The following CTNND2 variants were observed in gnomAD, a reference collection of about 807,000 sequenced individuals.
CTNND2 encodes catenin delta 2.
CTNND2 carries 22 observed loss-of-function variants against 144.4 expected under a neutral mutation model. That is an observed-to-expected ratio of 0.15 (90% CI 0.11 to 0.22). The LOEUF (loss-of-function observed/expected upper bound fraction) is 0.22. Ranked by LOEUF, CTNND2 falls within the 10% of genes least tolerant of loss-of-function variation. The pLI, the probability that CTNND2 is intolerant of heterozygous loss-of-function variation, is 1.00. For synonymous variants in CTNND2, 751 were observed against 695.6 expected, an observed-to-expected ratio of 1.08 and a Z score of -1.25; for missense variants, 1,353 against 1,618.8, an observed-to-expected ratio of 0.84 and a Z score of 2.82.
chr5:11,606,465 T>C (rs1780049272), intron 2 of CTNND2, among the ~76,000 whole-genome samples: 3 of 151,768 alleles, frequency 2.0e-5, no homozygotes, highest in Admixed American at 2.0e-4. Context: ...GCTCGGCTCT[T>C]TGGACAGAGT....
intron 3 of CTNND2, among the ~76,000 whole-genome samples, chr5:11,483,727 C>G (rs1022639959): frequency 3.9e-5 from 6 of 152,144 alleles, no homozygotes; most frequent in African/African-American, 1.4e-4. Flanking sequence ...AGTCTGTTCT[C>G]AGAAAGTGAC....
At chr5:11,010,507 T>C (rs1481418915) in intron 18 of CTNND2, among the ~76,000 whole-genome samples, 1 of 152,162 alleles carries the variant, frequency 6.6e-6, no homozygotes, top group Non-Finnish European at 1.5e-5. Context: ...CAGATGAGGG[T>C]GATGGAGTAA....
At chr5:11,742,970 A>T (rs537193267) in intron 1 of CTNND2, among the ~76,000 whole-genome samples, 1 of 152,360 alleles carries the variant, frequency 6.6e-6, no homozygotes, top group South Asian at 2.1e-4. Flanking sequence ...AGAAATAGGC[A>T]TCATGTCATT....
chr5:11,152,647 C>T (rs113668403), intron 12 of CTNND2, among the ~76,000 whole-genome samples: 5 of 152,276 alleles, frequency 3.3e-5, no homozygotes, highest in East Asian at 1.9e-4. Flanking sequence ...ACAGGAGACC[C>T]GAGCCCTCGT....
chr5:11,320,077 A>G (rs142459340), intron 9 of CTNND2, among the ~76,000 whole-genome samples: 1 of 152,334 alleles, frequency 6.6e-6, no homozygotes, highest in Non-Finnish European at 1.5e-5. Context: ...ACCATTCTGC[A>G]CGGAGTTTAC....
intron 3 of CTNND2, among the ~76,000 whole-genome samples, chr5:11,549,408 C>T (rs755660220): frequency 6.6e-6 from 1 of 152,180 alleles, no homozygotes; most frequent in South Asian, 2.1e-4. Context: ...ATAGCACAAA[C>T]TCATACTCCT....
At chr5:11,588,759 T>C (rs1779034126) in intron 2 of CTNND2, 1 of 985,188 alleles carries the variant, frequency 1.0e-6, no homozygotes, top group Non-Finnish European at 1.2e-6. Context: ...TTGAAATAAA[T>C]GGTCCTTAAA....
intron 1 of CTNND2, among the ~76,000 whole-genome samples, chr5:11,846,103 C>T (rs77477580): frequency 0.015 from 2,261 of 152,094 alleles, 29 homozygotes; most frequent in Non-Finnish European, 0.024. Context: ...CTTAATGAAA[C>T]ATTAAAAACT....
chr5:11,580,183 T>C (rs1214454116), intron 2 of CTNND2, among the ~76,000 whole-genome samples: 1 of 152,148 alleles, frequency 6.6e-6, no homozygotes, highest in Admixed American at 6.5e-5. Flanking sequence ...GACTACTCTT[T>C]AGGGACTCAG....
At chr5:11,513,427 G>C (rs1488359618) in intron 3 of CTNND2, among the ~76,000 whole-genome samples, 1 of 152,142 alleles carries the variant, frequency 6.6e-6, no homozygotes, top group Non-Finnish European at 1.5e-5. Flanking sequence ...TCATTAGACA[G>C]GCTGCAAAGG....
intron 3 of CTNND2, among the ~76,000 whole-genome samples, chr5:11,482,115 T>C (rs1768330449): frequency 6.6e-6 from 1 of 152,168 alleles, no homozygotes. Flanking sequence ...CGGACTCATA[T>C]GAACTTGATT....
In CTNND2 at chr5:11,218,924, C is replaced by A. The variant is rs187959734; in HGVS notation, c.1761+17767G>T. 5.3e-5 allele frequency among the ~76,000 whole-genome samples: 8 copies of A among 152,330 alleles called. No individual in the cohort carries two copies. The East Asian group carries it at 1.2e-3, about 22-fold the overall frequency. ...TGCACAATTACAACAGGTATACCCA[C>A]CATTTTCACCACAGCTGTCCCCTCA... On this transcript the variant is annotated intron_variant, in intron 10 of 21. Coordinates refer to ENST00000304623, the MANE Select transcript of CTNND2 (RefSeq NM_001332.4).
intron 1 of CTNND2, among the ~76,000 whole-genome samples, chr5:11,791,816 C>T (rs971726143): frequency 6.6e-6 from 1 of 152,126 alleles, no homozygotes; most frequent in African/African-American, 2.4e-5. Context: ...CAATCTCAGT[C>T]TTCAGAATTT....
chr5:11,751,128 A>T (rs1470097517), intron 1 of CTNND2, among the ~76,000 whole-genome samples: 3 of 151,928 alleles, frequency 2.0e-5, no homozygotes, highest in African/African-American at 7.2e-5. Flanking sequence ...AAAGAGATTT[A>T]TCAGTGAATT....
intron 14 of CTNND2, among the ~76,000 whole-genome samples, chr5:11,106,769 G>T (rs1359845735): frequency 6.6e-6 from 1 of 152,116 alleles, no homozygotes; most frequent in Non-Finnish European, 1.5e-5. Context: ...GGTCATAGTT[G>T]TCACAAAAGA....
intron 1 of CTNND2, among the ~76,000 whole-genome samples, chr5:11,756,447 T>C (rs1471270282): frequency 1.3e-5 from 2 of 151,732 alleles, no homozygotes; most frequent in Non-Finnish European, 3.0e-5. Context: ...CTTAACACAT[T>C]GAAAAATTAC....
intron 1 of CTNND2, among the ~76,000 whole-genome samples, chr5:11,787,818 G>A (rs561435699): frequency 6.6e-6 from 1 of 152,244 alleles, no homozygotes; most frequent in Non-Finnish European, 1.5e-5. Context: ...CATTTTGTTA[G>A]GGGAATTTTT....
chr5:11,624,530 T>G (rs1437446576), intron 2 of CTNND2, among the ~76,000 whole-genome samples: 3 of 152,156 alleles, frequency 2.0e-5, no homozygotes, highest in Admixed American at 2.0e-4. Context: ...CTCTGTAGGT[T>G]GTATTTTATT....
chr5:11,241,687 G>T (rs1026742894), intron 9 of CTNND2, among the ~76,000 whole-genome samples: 1 of 152,184 alleles, frequency 6.6e-6, no homozygotes, highest in African/African-American at 2.4e-5. Context: ...GTTTCGCTTA[G>T]ATGAGATTCC....
Sources: allele counts gnomAD v4.1 joint callset (sites outside exome capture counted in the v4.1 genomes callset), GRCh38; gene constraint gnomAD v4.1.1; transcripts MANE v1.5; gene names NCBI Gene and HGNC (gene_info 2026-07-23, HGNC 2026-07-21).